Variants in TJP1 observed in about 807,000 individuals in gnomAD.
TJP1 encodes the protein tight junction protein 1.
TJP1 carries 43 observed loss-of-function variants against 194.2 expected under a neutral mutation model. The observed-to-expected ratio is 0.22, with a 90% confidence interval of 0.17 to 0.29. The LOEUF is 0.29. Ranked by LOEUF, TJP1 falls within the 10% of genes least tolerant of loss-of-function variation. The pLI, the probability that TJP1 is intolerant of heterozygous loss-of-function variation, is 1.00. For synonymous variants in TJP1, 801 were observed against 779.0 expected (o/e 1.03, Z -0.47); for missense variants, 1,971 against 2,185.7 (o/e 0.90, Z 1.96).
chr15:29,744,091 A>C (rs559981366), intron 8 of TJP1, among the ~76,000 whole-genome samples: 10 of 152,284 alleles, frequency 6.6e-5, no homozygotes, highest in Admixed American at 2.0e-4. Context: ...AGGCAGGAGA[A>C]TCAATTGAAC....
intron 2 of TJP1, among the ~76,000 whole-genome samples, chr15:29,936,339 T>C (rs1031592660): frequency 3.5e-4 from 54 of 152,316 alleles, no homozygotes; most frequent in African/African-American, 1.1e-3. Context: ...AGTCGTCCAG[T>C]CAGTCTTCAT....
At chr15:29,889,795 G>A (rs1472803365) in intron 2 of TJP1, among the ~76,000 whole-genome samples, 1 of 152,168 alleles carries the variant, frequency 6.6e-6, no homozygotes, top group Non-Finnish European at 1.5e-5. Flanking sequence ...CCAGTGCTGT[G>A]AGACATTATT....
At chr15:29,785,745 T>G (rs575875936) in intron 2 of TJP1, among the ~76,000 whole-genome samples, 1 of 152,336 alleles carries the variant, frequency 6.6e-6, no homozygotes, top group East Asian at 1.9e-4. Context: ...GGAATTTCAA[T>G]GAACATTCAA....
chr15:29,889,204 TATC>T (rs2053225301), intron 2 of TJP1, among the ~76,000 whole-genome samples: 1 of 152,250 alleles, frequency 6.6e-6, no homozygotes, highest in Admixed American at 6.5e-5. Flanking sequence ...ATAATGTTCT[TATC>T]ATCTGTAAGC....
Position 29,710,846 on chromosome 15 carries a change from C to G in TJP1, c.4357G>C (p.Gly1453Arg). Residue 1453 changes from glycine to arginine, a missense_variant, in exon 24 of 28, where the codon GGA becomes CGA. Transcript: ENST00000614355. ...AACTTCCTACCTTCACCATGTGCTCCCTTAGAATGTATGTGGAGAGACGCG... is the reference window on the plus strand; with the variant it reads ...AACTTCCTACCTTCACCATGTGCTCGCTTAGAATGTATGTGGAGAGACGCG... ...TSASLHIHSK[G>R]AHGEGNSVSL... 1 of 1,614,000 alleles carries G rather than the reference C, an allele frequency of 6.2e-7. No individual in the cohort carries two copies. The highest frequency in any genetic ancestry group is 8.5e-7 in the Non-Finnish European group (1 of 1,180,020).
intron 18 of TJP1, among the ~76,000 whole-genome samples, chr15:29,724,718 G>A (rs1404424843): frequency 6.6e-6 from 1 of 152,206 alleles, no homozygotes; most frequent in Non-Finnish European, 1.5e-5. Flanking sequence ...TCTATTCTAT[G>A]AAATATACTT....
intron 2 of TJP1, among the ~76,000 whole-genome samples, chr15:29,909,506 G>C (rs968735082): frequency 6.6e-6 from 1 of 152,058 alleles, no homozygotes; most frequent in Admixed American, 6.6e-5. Flanking sequence ...AGAAGGAGTT[G>C]AAAGTTGGAA....
At chr15:29,832,615 T>A (rs2050872302) in intron 2 of TJP1, among the ~76,000 whole-genome samples, 1 of 152,158 alleles carries the variant, frequency 6.6e-6, no homozygotes, top group Non-Finnish European at 1.5e-5. Context: ...GGGAATTCCA[T>A]GTCACTAGAA....
intron 8 of TJP1, among the ~76,000 whole-genome samples, chr15:29,749,148 GTTT>G (rs71103409): frequency 7.1e-6 from 1 of 141,264 alleles, no homozygotes. Context: ...AGTTTCTGTT[GTTT>G]TTTTTTTTTT....
intron 2 of TJP1, among the ~76,000 whole-genome samples, chr15:29,798,072 C>T (rs932695500): frequency 6.6e-5 from 10 of 152,108 alleles, no homozygotes; most frequent in African/African-American, 2.4e-4. Flanking sequence ...CTACTGGGTT[C>T]AAGTGATTCT....
At chr15:29,919,530 C>G (rs1343410591) in intron 2 of TJP1, among the ~76,000 whole-genome samples, 1 of 152,098 alleles carries the variant, frequency 6.6e-6, no homozygotes, top group Non-Finnish European at 1.5e-5. Context: ...ACAAATATAC[C>G]TTGTTAGGTA....
Position 29,762,412 on chromosome 15 carries a change from T to A in TJP1, c.616A>T (p.Ile206Leu), listed in dbSNP as rs1160762764. The A allele has an allele frequency of 6.2e-7, 1 of 1,613,448 alleles. No individual in the cohort carries two copies. The highest frequency in any genetic ancestry group is 1.3e-5 in the African/African-American group (1 of 74,918). ...TCTTGTGAAATTTCCTTAACAAATATATGGCTTGCCAATCGAAGACCATAT... is the reference window on the plus strand; with the variant it reads ...TCTTGTGAAATTTCCTTAACAAATAAATGGCTTGCCAATCGAAGACCATAT... ...EEYGLRLASHIFVKEISQDSL... is the reference protein window; with the variant it reads ...EEYGLRLASHLFVKEISQDSL... The change falls in exon 6 of 28, where the codon ATA (isoleucine) becomes TTA (leucine). Residue 206 changes from isoleucine (I) to leucine (L), a missense_variant. Ile to Leu is a conservative substitution (Grantham distance 5). Coordinates refer to ENST00000614355, the MANE Select transcript of TJP1 (RefSeq NM_001330239.4).
chr15:29,711,069 C>T, intron 23 of TJP1, 69 bp from the exon 24 acceptor site: 1 of 1,460,372 alleles, frequency 6.8e-7, no homozygotes, highest in South Asian at 1.5e-5. Flanking sequence ...GTTCTCATTT[C>T]TCCATGTATC....
At position 29,822,254 on chromosome 15, in the gene TJP1, G is replaced by A; in HGVS notation, c.-226C>T. ...CTTCTCCACGGGGCGCGCCCGACCG[G>A]CACCTCCCTCCGAGCGCGGCCACCC... is the stretch of plus-strand genomic sequence containing the variant. On this transcript the variant is annotated 5_prime_UTR_variant, in exon 1 of 28. Coordinates refer to ENST00000614355, the MANE Select transcript of TJP1 (RefSeq NM_001330239.4). The A allele has an allele frequency of 8.6e-7, 1 of 1,168,658 alleles. No individual in the cohort carries two copies. Among genetic ancestry groups the A allele is most frequent in the Non-Finnish European group, 1.1e-6 (1 of 947,184 alleles). 72.4% of individuals were successfully genotyped at this position (1,168,658 alleles called of 1,614,324 possible). A position where few individuals can be genotyped will look rare whatever the true frequency, so the allele number is the denominator to read the frequency against.
chr15:29,778,329 A>G (rs988193521), intron 2 of TJP1, among the ~76,000 whole-genome samples: 3 of 151,840 alleles, frequency 2.0e-5, no homozygotes, highest in Non-Finnish European at 4.4e-5. Flanking sequence ...GAGTTGGTGG[A>G]CTTAAAAAAA....
At position 29,822,224 on chromosome 15, in the gene TJP1, C is replaced by G; in HGVS notation, c.-196G>C. On this transcript the variant is annotated 5_prime_UTR_variant, in exon 1 of 28. Coordinates refer to ENST00000614355, the MANE Select transcript of TJP1 (RefSeq NM_001330239.4). ...AAGTCCGGGAAGCGCCCGCCCCGCC[C>G]GGGTCTTCTCCACGGGGCGCGCCCG... The G allele has an allele frequency of 8.5e-7, 1 of 1,177,442 alleles. No individual in the cohort carries two copies. The highest frequency in any genetic ancestry group is 4.3e-5 in the South Asian group (1 of 23,034). 72.9% of individuals were successfully genotyped at this position (1,177,442 alleles called of 1,614,324 possible).
chr15:29,726,524 A>G (rs1212155877), intron 17 of TJP1, 45 bp from the exon 18 acceptor site: 1 of 1,564,084 alleles, frequency 6.4e-7, no homozygotes, highest in Admixed American at 1.7e-5. Context: ...GAGCACTGCC[A>G]AAAGTCAGAA....
At chr15:29,743,766 AC>A (rs1308551913) in intron 8 of TJP1, among the ~76,000 whole-genome samples, 1 of 152,140 alleles carries the variant, frequency 6.6e-6, no homozygotes, top group Non-Finnish European at 1.5e-5. Flanking sequence ...AATCAAGACA[AC>A]TCAAGAGAGA....
intron 15 of TJP1, 106 bp from the exon 16 acceptor site, chr15:29,728,125 G>A: frequency 2.3e-6 from 2 of 867,914 alleles, no homozygotes; most frequent in Admixed American, 2.1e-5. Context: ...ATAGTACTTT[G>A]TTTGTGGAAA....
Sources: gnomAD v4.1 joint callset for allele counts (sites outside exome capture counted in the v4.1 genomes callset) on GRCh38, gnomAD v4.1.1 for gene constraint, MANE v1.5 for transcripts, NCBI Gene and HGNC (gene_info 2026-07-23, HGNC 2026-07-21) for gene names.